Variants in ITSN2 observed in about 807,000 individuals in gnomAD.
The protein encoded by ITSN2 is intersectin 2.
Under a neutral mutation model 243.7 loss-of-function variants are expected in ITSN2, and 156 were observed. The ratio of observed to expected loss-of-function variants is 0.64; its 90% CI spans 0.56 to 0.73. ITSN2 has a LOEUF of 0.73. Among genes scored for constraint, ITSN2 ranks in the 30% least tolerant of loss-of-function variants. The pLI is 0.00. For missense variants in ITSN2, 1,801 were observed against 1,996.1 expected, an observed-to-expected ratio of 0.90 and a Z score of 1.86; for synonymous variants, 703 against 699.9, an observed-to-expected ratio of 1.00 and a Z score of -0.07.
intron 29 of ITSN2, among the ~76,000 whole-genome samples, chr2:24,242,867 C>T (rs1206711142): frequency 6.6e-6 from 1 of 151,948 alleles, no homozygotes; most frequent in Non-Finnish European, 1.5e-5. Flanking sequence ...TCTGATTAAA[C>T]TAAAAAAAAC....
At chr2:24,283,437 G>A (rs963393012) in intron 17 of ITSN2, among the ~76,000 whole-genome samples, 6 of 152,080 alleles carry the variant, frequency 3.9e-5, no homozygotes, top group African/African-American at 9.7e-5. Context: ...TGTTGGCCAC[G>A]CTGGTCTCAA....
At position 24,232,735 on chromosome 2, in the gene ITSN2, C is replaced by T. The variant is rs142038676; in HGVS notation, c.3578-11669G>A. 2.1e-3 allele frequency among the ~76,000 whole-genome samples: 316 copies of T among 152,272 alleles called. 1 individual carries two copies. Among genetic ancestry groups the T allele is most frequent in the African/African-American group, 7.3e-3 (302 of 41,556 alleles). On this transcript the variant is annotated intron_variant, in intron 29 of 39. Transcript: ENST00000355123. Reference sequence around the variant, plus strand: ...AATCTGAAGCTTAGTGGTGAAGAGACTTACCAGATAAATTAGAGCTACTAC... The same window carrying T: ...AATCTGAAGCTTAGTGGTGAAGAGATTTACCAGATAAATTAGAGCTACTAC...
chr2:24,271,123 A>G (rs1002705359), intron 19 of ITSN2, among the ~76,000 whole-genome samples: 3 of 152,180 alleles, frequency 2.0e-5, no homozygotes, highest in African/African-American at 7.2e-5. Context: ...AGGTCTGAAT[A>G]TAACAGGGAA....
chr2:24,323,406 C>T (rs1025847310), intron 2 of ITSN2, among the ~76,000 whole-genome samples: 1 of 152,138 alleles, frequency 6.6e-6, no homozygotes, highest in Non-Finnish European at 1.5e-5. Flanking sequence ...CAGCAGTAAA[C>T]AGGAGAAATG....
At position 24,310,567 on chromosome 2, in the gene ITSN2, G is replaced by A. The variant is rs1274595348; in HGVS notation, c.478C>T (p.Pro160Ser). ...PPLMMPTPLVPSVSTSSLPNG... is the reference protein window; with the variant it reads ...PPLMMPTPLVSSVSTSSLPNG... The stretch of plus-strand genomic sequence containing the variant: ...GGTAATGATGATGTGCTAACAGAAG[G>A]CACTAGGGGAGTGGGCATCATTAAG... Residue 160 changes from proline (P) to serine (S), a missense_variant, in exon 6 of 40, where the codon CCT becomes TCT. By Grantham distance (74) the Pro-to-Ser change is moderately conservative. Coordinates refer to ENST00000355123, the MANE Select transcript of ITSN2 (RefSeq NM_006277.3). 3.1e-6 allele frequency: 5 copies of A among 1,614,132 alleles called. No individual in the cohort carries two copies. The highest frequency in any genetic ancestry group is 1.1e-5 in the South Asian group (1 of 91,082).
At position 24,293,449 on chromosome 2, in the gene ITSN2, A is replaced by G. The variant is rs1042615981; in HGVS notation, c.1723+239T>C. 15 of 270,168 alleles carry G rather than the reference A, an allele frequency of 5.6e-5. 1 individual carries two copies. In the Admixed American group the frequency reaches 5.6e-4, roughly 10 times the overall value. The allele number at this position is 270,168 out of a possible 1,614,324, so 16.7% of individuals were successfully genotyped here. On this transcript the variant is annotated intron_variant, in intron 15 of 39. Transcript: ENST00000355123. The stretch of plus-strand genomic sequence containing the variant: ...TGATGTTTCAATTATATACATAAAA[A>G]TATCATCAAGATATGAAGTCATACC...
intron 29 of ITSN2, among the ~76,000 whole-genome samples, chr2:24,229,835 C>T (rs553849565): frequency 7.0e-4 from 106 of 152,250 alleles, no homozygotes; most frequent in Admixed American, 1.6e-3. Context: ...TTTCACTCGT[C>T]TTCCAGGTCA....
chr2:24,284,292 T>A (rs765092528), intron 17 of ITSN2, among the ~76,000 whole-genome samples: 1 of 152,240 alleles, frequency 6.6e-6, no homozygotes, highest in Non-Finnish European at 1.5e-5. Context: ...CCCTGCATTA[T>A]TGGTTCTTTA....
intron 2 of ITSN2, among the ~76,000 whole-genome samples, chr2:24,322,434 T>C (rs769074182): frequency 7.9e-5 from 12 of 152,202 alleles, no homozygotes; most frequent in African/African-American, 1.2e-4. Context: ...ATAAATACAC[T>C]CACAAATATA....
At position 24,271,937 on chromosome 2, in the gene ITSN2, C is replaced by T. The variant is rs770959079; in HGVS notation, c.2086G>A (p.Ala696Thr). The change falls in exon 19 of 40, where the codon GCA becomes ACA. Residue 696 changes from alanine to threonine, a missense_variant. Transcript: ENST00000355123. ...KKLEDEAARK[A>T]KQGKENLWKE... ...CATAAGTTTTCTTTTCCTTGCTTTG[C>T]TTTCCTTTACATAAAAGAAAAAGAG... The T allele has an allele frequency of 7.1e-6, 10 of 1,416,424 alleles. No individual in the cohort carries two copies. The highest frequency in any genetic ancestry group is 2.2e-4 in the Middle Eastern group (1 of 4,576). 87.7% of individuals were successfully genotyped at this position (1,416,424 alleles called of 1,614,324 possible). A position where few individuals can be genotyped will look rare whatever the true frequency, so the allele number is the denominator to read the frequency against.
At chr2:24,220,715 A>C (rs1019901034) in intron 30 of ITSN2, 62 of 1,328,516 alleles carry the variant, frequency 4.7e-5, no homozygotes, top group Non-Finnish European at 5.7e-5. Flanking sequence ...ACTCTGAGTG[A>C]CCTCATCTGG....
chr2:24,279,350 T>A (rs1274791349), intron 17 of ITSN2, among the ~76,000 whole-genome samples: 1 of 152,236 alleles, frequency 6.6e-6, no homozygotes, highest in Non-Finnish European at 1.5e-5. Flanking sequence ...ATTTCCCCAA[T>A]CATTATCTCA....
Position 24,308,643 on chromosome 2 carries a change from T to G in ITSN2, c.767A>C (p.Asp256Ala). The change falls in exon 8 of 40, where the codon GAC (aspartate) becomes GCC (alanine). Residue 256 changes from aspartate to alanine, a missense_variant. This residue lies in a region of ITSN2 where 787 missense variants were observed against 803.9 expected (regional missense o/e 0.98). Transcript: ENST00000355123. ...LKYRQKFNTL[D>A]KSMSGYLSGF... ...TGAGAGATATCCACTCATACTTTTGTCAAGAGTATTAAATTTTTGCCGATA... is the reference window on the plus strand; with the variant it reads ...TGAGAGATATCCACTCATACTTTTGGCAAGAGTATTAAATTTTTGCCGATA... 1 of 1,521,610 alleles carries G rather than the reference T, an allele frequency of 6.6e-7. No homozygotes were observed. The highest frequency in any genetic ancestry group is 8.9e-7 in the Non-Finnish European group (1 of 1,129,596). The allele number at this position is 1,521,610 out of a possible 1,614,324, so 94.3% of individuals were successfully genotyped here.
At position 24,211,009 on chromosome 2, in the gene ITSN2, T is replaced by C; in HGVS notation, c.4090-62A>G. The C allele has an allele frequency of 6.6e-7, 1 of 1,524,024 alleles. No homozygotes were observed. Among genetic ancestry groups the C allele is most frequent in the Non-Finnish European group, 9.1e-7 (1 of 1,104,722 alleles). The allele number at this position is 1,524,024 out of a possible 1,614,324, so 94.4% of individuals were successfully genotyped here. A position where few individuals can be genotyped will look rare whatever the true frequency, so the allele number is the denominator to read the frequency against. On this transcript the variant is annotated intron_variant, in intron 33 of 39. Transcript: ENST00000355123. This position sits in a 1 kb window ranked among gnomAD's most constrained non-coding sequence, Gnocchi z 4.1. ...CGTCTCTCACCTGCCCACCTGGACC[T>C]TCGCAGGACCGCTCCTCCAACCCCA...
chr2:24,212,532 T>A (rs990416902), intron 33 of ITSN2, 118 bp downstream of exon 33: 21 of 706,732 alleles, frequency 3.0e-5, no homozygotes, highest in Non-Finnish European at 5.1e-5. Context: ...ACTTGTGCGG[T>A]GTCACACTGT....
chr2:24,269,930 A>G (rs1328973166), intron 20 of ITSN2, among the ~76,000 whole-genome samples: 1 of 152,152 alleles, frequency 6.6e-6, no homozygotes, highest in Non-Finnish European at 1.5e-5. Context: ...CGGTACTACT[A>G]ATAGCGGCAA....
intron 30 of ITSN2, chr2:24,220,297 G>A: frequency 6.1e-6 from 6 of 983,810 alleles, no homozygotes; most frequent in Non-Finnish European, 7.2e-6. Flanking sequence ...ACTGGGAACT[G>A]AAAGGCATGG....
At position 24,204,690 on chromosome 2, in the gene ITSN2, C is replaced by G. The variant is rs1668668971; in HGVS notation, c.4763-272G>C. 2 of 589,672 alleles carry G rather than the reference C, an allele frequency of 3.4e-6. No individual in the cohort carries two copies. Among genetic ancestry groups the G allele is most frequent in the East Asian group, 7.6e-5 (2 of 26,390 alleles). 36.5% of individuals were successfully genotyped at this position (589,672 alleles called of 1,614,324 possible). On this transcript the variant is annotated intron_variant, in intron 38 of 39. Coordinates refer to ENST00000355123, the MANE Select transcript of ITSN2 (RefSeq NM_006277.3). The surrounding 1 kb of genome is among the most constrained non-coding windows in gnomAD (Gnocchi z 5.1). ...AATCCTGGGTGAGTGTCACTGCAAC[C>G]TGCTGCATGCTTCCTCGGCGCAGAC... is the stretch of plus-strand genomic sequence containing the variant.
At chr2:24,294,754 G>T (rs1680724472) in intron 14 of ITSN2, among the ~76,000 whole-genome samples, 1 of 152,134 alleles carries the variant, frequency 6.6e-6, no homozygotes, top group Non-Finnish European at 1.5e-5. Flanking sequence ...TTTAATGTAT[G>T]ATATGGTCTG....
Sources: gnomAD v4.1 joint callset for allele counts (sites outside exome capture counted in the v4.1 genomes callset) on GRCh38, gnomAD v4.1.1 for gene constraint, gnomAD v4.1.1 regional missense constraint, Gnocchi (gnomAD v3.1) non-coding constraint, MANE v1.5 for transcripts, NCBI Gene and HGNC (gene_info 2026-07-23, HGNC 2026-07-21) for gene names.